Variants in KANSL2 observed in about 807,000 individuals in gnomAD.
The protein encoded by KANSL2 is NSL complex protein NSL2.
A neutral mutation model predicts 55.6 loss-of-function variants in KANSL2; 34 were observed. The observed-to-expected ratio is 0.61, with a 90% confidence interval of 0.46 to 0.81. KANSL2 has a LOEUF of 0.81. Ranked by LOEUF, KANSL2 falls within the 40% of genes least tolerant of loss-of-function variation. The probability of loss-of-function intolerance (pLI) is 0.00; values close to 1 mark genes in which losing one functional copy is unlikely to be tolerated. For missense variants in KANSL2, 502 were observed against 609.9 expected (o/e 0.82, Z 1.86); for synonymous variants, 209 against 214.3 (o/e 0.98, Z 0.22).
At chr12:48,673,422 T>C (rs1939763833) in intron 4 of KANSL2, among the ~76,000 whole-genome samples, 1 of 151,358 alleles carries the variant, frequency 6.6e-6, no homozygotes, top group Non-Finnish European at 1.5e-5. Flanking sequence ...CAACCAGGTA[T>C]GGTGGTGGGC....
chr12:48,679,998 T>C, intron 2 of KANSL2, 165 bp from the exon 3 acceptor site: 2 of 616,168 alleles, frequency 3.2e-6, no homozygotes, highest in Non-Finnish European at 5.6e-6. Flanking sequence ...GTCAACTCAT[T>C]TGACTTTATT....
intron 4 of KANSL2, among the ~76,000 whole-genome samples, chr12:48,676,097 G>C (rs1228499602): frequency 6.6e-6 from 1 of 151,972 alleles, no homozygotes; most frequent in Non-Finnish European, 1.5e-5. Flanking sequence ...AGATGTTGTA[G>C]ACAAGCTTTT....
chr12:48,677,578 G>A lies in KANSL2; in HGVS notation c.545+1458C>T, dbSNP rs189750022. Among the ~76,000 whole-genome samples the A allele has an allele frequency of 6.5e-4, 99 of 151,988 alleles. No individual in the cohort carries two copies. The East Asian group carries it at 0.015, about 22-fold the overall frequency. Reference sequence around the variant, plus strand: ...AGGTGAATCACGAGGTCAGGAATTCGAGACCAGCCTGGCCAACATGGTGAA... The same window carrying A: ...AGGTGAATCACGAGGTCAGGAATTCAAGACCAGCCTGGCCAACATGGTGAA... On this transcript the variant is annotated intron_variant, in intron 4 of 9. Coordinates refer to ENST00000420613, the MANE Select transcript of KANSL2 (RefSeq NM_017822.4).
chr12:48,654,062 T>C lies in KANSL2; in HGVS notation c.1461A>G (p.Glu487=), dbSNP rs371823759. The C allele has an allele frequency of 6.3e-7, 1 of 1,597,234 alleles. No homozygotes were observed. The highest frequency in any genetic ancestry group is 8.5e-7 in the Non-Finnish European group (1 of 1,174,914). The change falls in exon 10 of 10, where the codon GAA becomes GAG. Residue 487 remains glutamate (E), a synonymous_variant. Transcript: ENST00000420613. ...SGLATANGKP[E]PTSIS is the part of the protein sequence containing the mutation. Reference sequence around the variant, plus strand: ...CAAACTATCAACTAATAGAAGTGGGTTCTGGCTTCCCATTTGCAGTAGCCA... The same window carrying C: ...CAAACTATCAACTAATAGAAGTGGGCTCTGGCTTCCCATTTGCAGTAGCCA...
intron 7 of KANSL2, among the ~76,000 whole-genome samples, chr12:48,663,981 G>C (rs953473704): frequency 7.5e-6 from 1 of 134,024 alleles, no homozygotes; most frequent in Non-Finnish European, 1.5e-5. Context: ...GCAATGGCAC[G>C]ATATCGGCTC....
At chr12:48,662,756 A>AAG in intron 7 of KANSL2, 1 of 706,172 alleles carries the variant, frequency 1.4e-6, no homozygotes, top group South Asian at 2.2e-5. Flanking sequence ...CTTTTCAAAT[A>AAG]CATTTTCAAT....
intron 4 of KANSL2, among the ~76,000 whole-genome samples, chr12:48,674,623 A>G (rs1297494121): frequency 6.6e-6 from 1 of 152,226 alleles, no homozygotes; most frequent in Non-Finnish European, 1.5e-5. Flanking sequence ...GTAAAAGTGA[A>G]AAGAAATTAA....
At chr12:48,660,250 T>C in intron 8 of KANSL2, 116 bp downstream of exon 8, 3 of 968,174 alleles carry the variant, frequency 3.1e-6, no homozygotes, top group South Asian at 1.7e-5. Flanking sequence ...TATACGTATA[T>C]ATCACTTCAA....
chr12:48,654,834 G>A (rs1030940093), intron 9 of KANSL2, 107 bp downstream of exon 9: 34 of 1,141,146 alleles, frequency 3.0e-5, no homozygotes, highest in Admixed American at 5.0e-5. Context: ...CTTTATACTA[G>A]TGATGACACC....
intron 7 of KANSL2, among the ~76,000 whole-genome samples, chr12:48,663,141 T>C (rs1939519538): frequency 6.6e-6 from 1 of 152,236 alleles, no homozygotes; most frequent in South Asian, 2.1e-4. Flanking sequence ...GCTCTAAAAA[T>C]GTTAAGGCTG....
At chr12:48,669,295 G>C in intron 5 of KANSL2, 23 bp from the exon 6 acceptor site, 1 of 1,507,460 alleles carries the variant, frequency 6.6e-7, no homozygotes, top group Non-Finnish European at 8.9e-7. Context: ...GAGTCAAGAT[G>C]TTATTTGCCA....
intron 5 of KANSL2, among the ~76,000 whole-genome samples, chr12:48,669,588 G>A (rs958484064): frequency 1.3e-5 from 2 of 151,680 alleles, no homozygotes; most frequent in Admixed American, 6.6e-5. Flanking sequence ...CGCAATCTTG[G>A]CTCACTGCAA....
In KANSL2 at chr12:48,653,374, A is replaced by G. The variant is rs1939319067; in HGVS notation, c.*670T>C. ...AGAGACAGGTCCCCAAAACCGCGAA[A>G]AAGAAACTATATTCTCAAACAAAAC... is the stretch of plus-strand genomic sequence containing the variant. On this transcript the variant is annotated 3_prime_UTR_variant, in exon 10 of 10. Transcript: ENST00000420613. The G allele has an allele frequency of 6.6e-6, 1 of 152,658 alleles. No homozygotes were observed. The highest frequency in any genetic ancestry group is 1.5e-5 in the Non-Finnish European group (1 of 68,038). 9.5% of individuals were successfully genotyped at this position (152,658 alleles called of 1,614,324 possible).
At chr12:48,678,193 A>G (rs963224280) in intron 4 of KANSL2, among the ~76,000 whole-genome samples, 1 of 152,252 alleles carries the variant, frequency 6.6e-6, no homozygotes, top group Non-Finnish European at 1.5e-5. Context: ...ATAAACTGTC[A>G]GTACAAAGTG....
intron 8 of KANSL2, chr12:48,658,819 T>C (rs1220733681): frequency 6.6e-6 from 1 of 152,060 alleles, no homozygotes; most frequent in Non-Finnish European, 1.5e-5. Flanking sequence ...AAACCAGCAA[T>C]AGAGAATGAG....
chr12:48,664,643 G>A (rs186117767), intron 7 of KANSL2, among the ~76,000 whole-genome samples: 8 of 141,676 alleles, frequency 5.6e-5, no homozygotes, highest in South Asian at 2.2e-4. Flanking sequence ...GTGCAGTGGC[G>A]TGAACTCCTC....
At chr12:48,681,746 C>T in intron 1 of KANSL2, 105 bp from the exon 2 acceptor site, 2 of 1,421,370 alleles carry the variant, frequency 1.4e-6, no homozygotes, top group Non-Finnish European at 2.0e-6. Context: ...AAGTCGTCCC[C>T]GTAAGGTACG....
chr12:48,673,902 G>A (rs1361650651), intron 4 of KANSL2, among the ~76,000 whole-genome samples: 1 of 152,050 alleles, frequency 6.6e-6, no homozygotes, highest in Non-Finnish European at 1.5e-5. Flanking sequence ...AGTGAGCTGA[G>A]ATGGCGCCAC....
At chr12:48,656,459 G>C (rs564669973) in intron 8 of KANSL2, among the ~76,000 whole-genome samples, 1 of 151,680 alleles carries the variant, frequency 6.6e-6, no homozygotes, top group South Asian at 2.1e-4. Flanking sequence ...ATTTTTAGTA[G>C]AGACAGGGTT....
Sources: gnomAD v4.1 joint callset for allele counts (sites outside exome capture counted in the v4.1 genomes callset) on GRCh38, gnomAD v4.1.1 for gene constraint, MANE v1.5 for transcripts, NCBI Gene and HGNC (gene_info 2026-07-23, HGNC 2026-07-21) for gene names.